BOC: variants seen among roughly 807,000 people sequenced by gnomAD.
The protein encoded by BOC is BOC cell adhesion associated, oncogene regulated, also known as brother of CDO.
In BOC, 76 loss-of-function variants were observed where a neutral mutation model predicts 112.0. That is an observed-to-expected ratio of 0.68 (90% CI 0.56 to 0.82). The LOEUF is 0.82. Among genes scored for constraint, BOC ranks in the 40% least tolerant of loss-of-function variants. BOC has a pLI of 0.00. For synonymous variants in BOC, 580 were observed against 599.8 expected, an observed-to-expected ratio of 0.97 and a Z score of 0.48; for missense variants, 1,309 against 1,511.7, an observed-to-expected ratio of 0.87 and a Z score of 2.22.
chr3:113,220,180 G>A (rs942629997), intron 2 of BOC, among the ~76,000 whole-genome samples: 3 of 152,200 alleles, frequency 2.0e-5, no homozygotes, highest in Admixed American at 2.0e-4. Context: ...AATACTCATA[G>A]AGCAGCCACC....
chr3:113,242,822 T>A (rs1254438011), intron 2 of BOC, among the ~76,000 whole-genome samples: 1 of 152,158 alleles, frequency 6.6e-6, no homozygotes, highest in Non-Finnish European at 1.5e-5. Flanking sequence ...TTCTTTTACG[T>A]AAGTCTCCAA....
chr3:113,267,069 T>G (rs980899058), intron 4 of BOC, among the ~76,000 whole-genome samples: 1 of 152,170 alleles, frequency 6.6e-6, no homozygotes, highest in Non-Finnish European at 1.5e-5. Flanking sequence ...ATGCTGTCAG[T>G]CCCGGGAGCT....
intron 2 of BOC, among the ~76,000 whole-genome samples, chr3:113,236,317 TGG>T (rs1943554543): frequency 1.1e-5 from 1 of 90,824 alleles, no homozygotes. Context: ...TATATACCCA[TGG>T]AATACTGCTC....
chr3:113,228,800 C>T (rs1002942913), intron 2 of BOC, among the ~76,000 whole-genome samples: 1 of 152,164 alleles, frequency 6.6e-6, no homozygotes, highest in Admixed American at 6.5e-5. Flanking sequence ...TCAAACCCTT[C>T]CCCTCTGATC....
chr3:113,280,029 G>A (rs372108150), intron 13 of BOC, 24 bp downstream of exon 13: 54 of 1,580,506 alleles, frequency 3.4e-5, no homozygotes, highest in Non-Finnish European at 4.4e-5. Context: ...GCCGTGGACT[G>A]CAGTGGAAGA....
rs138054892 is a variant in BOC at position 113,272,573 on chromosome 3, G to T, written c.831G>T (p.Thr277=). The T allele has an allele frequency of 1.2e-6, 2 of 1,613,998 alleles. No homozygotes were observed. The highest frequency in any genetic ancestry group is 1.7e-6 in the Non-Finnish European group (2 of 1,179,998). ...DGSSVTGYNK[T]RFLLSNLLID... is the part of the protein sequence containing the mutation. ...CCAGTGTCACCGGCTACAACAAGACGCGCTTCCTGCTGAGCAACCTCCTCA... is the reference window on the plus strand; with the variant it reads ...CCAGTGTCACCGGCTACAACAAGACTCGCTTCCTGCTGAGCAACCTCCTCA... The change falls in exon 7 of 20, where the codon ACG becomes ACT. Residue 277 remains threonine (T), a synonymous_variant. Transcript: ENST00000682979.
intron 14 of BOC, 25 bp from the exon 15 acceptor site, chr3:113,281,006 A>G (rs763879203): frequency 7.4e-6 from 12 of 1,613,058 alleles, no homozygotes; most frequent in Non-Finnish European, 9.3e-6. Flanking sequence ...ATTGCCATGC[A>G]CCATTCTCTG....
At chr3:113,257,728 A>AATTTTGT (rs1371646777) in intron 4 of BOC, among the ~76,000 whole-genome samples, 75 of 152,246 alleles carry the variant, frequency 4.9e-4, no homozygotes, top group African/African-American at 1.6e-3. Context: ...TTAACAATCT[A>AATTTTGT]CCTCTTTAAT....
At chr3:113,269,512 G>A (rs963410537) in intron 5 of BOC, 1 of 151,854 alleles carries the variant, frequency 6.6e-6, no homozygotes, top group Non-Finnish European at 1.5e-5. Context: ...CTGAGTGACA[G>A]AGTGAGACTC....
chr3:113,235,904 T>TAAA (rs1177417672), intron 2 of BOC, among the ~76,000 whole-genome samples: 2 of 152,114 alleles, frequency 1.3e-5, no homozygotes, highest in Non-Finnish European at 2.9e-5. Flanking sequence ...CTAGAGTTGT[T>TAAA]AAAGTGTATT....
Position 113,286,986 on chromosome 3 carries a change from C to A in BOC, c.*124C>A. On this transcript the variant is annotated 3_prime_UTR_variant, in exon 20 of 20. Coordinates refer to ENST00000682979, the MANE Select transcript of BOC (RefSeq NM_001378074.1). ...ATAGCCATATTTATATATTTATGCA[C>A]TTGTAAATAAATGTATATGTTTTAT... 1.0e-6 allele frequency: 1 copy of A among 1,001,618 alleles called. No homozygotes were observed. 62.0% of individuals were successfully genotyped at this position (1,001,618 alleles called of 1,614,324 possible).
At chr3:113,260,134 C>A (rs1011014136) in intron 4 of BOC, among the ~76,000 whole-genome samples, 4 of 152,184 alleles carry the variant, frequency 2.6e-5, no homozygotes, top group South Asian at 2.1e-4. Flanking sequence ...TCTGTGTCCA[C>A]AGTGCTGTCC....
At chr3:113,241,731 A>ATG (rs746582691) in intron 2 of BOC, among the ~76,000 whole-genome samples, 1 of 152,210 alleles carries the variant, frequency 6.6e-6, no homozygotes. Flanking sequence ...CCGGGGCAAC[A>ATG]CAGCCCCCAT....
At chr3:113,246,084 A>T (rs1242470250) in intron 2 of BOC, among the ~76,000 whole-genome samples, 1 of 152,228 alleles carries the variant, frequency 6.6e-6, no homozygotes, top group Non-Finnish European at 1.5e-5. Flanking sequence ...TCTTAACCCC[A>T]GAGTGTGTTT....
chr3:113,274,373 A>G lies in BOC; in HGVS notation c.1235-2A>G. 1 of 1,507,376 alleles carries G rather than the reference A, an allele frequency of 6.6e-7. No individual in the cohort carries two copies. The allele number at this position is 1,507,376 out of a possible 1,614,324, so 93.4% of individuals were successfully genotyped here. ...TCCTTCTGCTTCCTGTTGGTCCTCC[A>G]GGCATAACCCCAAGGCTATGGCAGG... On this transcript the variant is annotated splice_acceptor_variant, in intron 8 of 19. Transcript: ENST00000682979. LOFTEE classifies it high-confidence loss of function. This position sits in a 1 kb window ranked among gnomAD's most constrained non-coding sequence, Gnocchi z 4.8.
At chr3:113,255,914 A>C (rs1180131815) in intron 4 of BOC, among the ~76,000 whole-genome samples, 1 of 152,258 alleles carries the variant, frequency 6.6e-6, no homozygotes, top group Non-Finnish European at 1.5e-5. Flanking sequence ...AGCTAAAAAA[A>C]ATTTTTAAAT....
intron 2 of BOC, among the ~76,000 whole-genome samples, chr3:113,243,728 C>T (rs1350328633): frequency 1.3e-5 from 2 of 152,288 alleles, no homozygotes; most frequent in South Asian, 2.1e-4. Flanking sequence ...GCCCTCATCC[C>T]CCTTGCTTGT....
intron 2 of BOC, among the ~76,000 whole-genome samples, chr3:113,223,613 C>A (rs778203579): frequency 4.6e-5 from 7 of 152,176 alleles, no homozygotes; most frequent in Non-Finnish European, 8.8e-5. Flanking sequence ...TTCATCTCCC[C>A]CTCCCTCCCC....
At chr3:113,214,636 T>C (rs1938980821) in intron 1 of BOC, among the ~76,000 whole-genome samples, 2 of 152,370 alleles carry the variant, frequency 1.3e-5, no homozygotes, top group South Asian at 4.1e-4. Context: ...AGTTGCTTTC[T>C]TTCCTCCAAA....
Sources: gnomAD v4.1 joint callset for allele counts (sites outside exome capture counted in the v4.1 genomes callset) on GRCh38, gnomAD v4.1.1 for gene constraint, Gnocchi (gnomAD v3.1) non-coding constraint, MANE v1.5 for transcripts, NCBI Gene and HGNC (gene_info 2026-07-23, HGNC 2026-07-21) for gene names.